The following ZNF521 variants were observed in gnomAD, a reference collection of about 807,000 sequenced individuals.
ZNF521 encodes the protein LYST-interacting protein 3.
ZNF521 carries 14 observed loss-of-function variants against 105.5 expected under a neutral mutation model. That is an observed-to-expected ratio of 0.13 (90% CI 0.09 to 0.21). ZNF521 has a LOEUF of 0.21. Among genes scored for constraint, ZNF521 ranks in the 10% least tolerant of loss-of-function variants. ZNF521 has a pLI of 1.00. For synonymous variants in ZNF521, 635 were observed against 606.0 expected (o/e 1.05, Z -0.70); for missense variants, 1,233 against 1,629.7 (o/e 0.76, Z 4.19).
chr18:25,092,771 T>C (rs2144221799), intron 5 of ZNF521, among the ~76,000 whole-genome samples: 1 of 152,316 alleles, frequency 6.6e-6, no homozygotes, highest in South Asian at 2.1e-4. Context: ...TGAATTTTTC[T>C]TGGATATCTT....
At chr18:25,099,841 C>A (rs1316945284) in intron 5 of ZNF521, among the ~76,000 whole-genome samples, 1 of 152,178 alleles carries the variant, frequency 6.6e-6, no homozygotes, top group Non-Finnish European at 1.5e-5. Flanking sequence ...CTGTACAAAA[C>A]CCCCACAAAT....
At position 25,227,044 on chromosome 18, in the gene ZNF521, C is replaced by T; in HGVS notation, c.874G>A (p.Glu292Lys). 1 of 1,614,152 alleles carries T rather than the reference C, an allele frequency of 6.2e-7. No individual in the cohort carries two copies. The highest frequency in any genetic ancestry group is 1.1e-5 in the South Asian group (1 of 91,080). Residue 292 changes from glutamate (E) to lysine (K), a missense_variant, in exon 4 of 8, where the codon GAG becomes AAG. Glu to Lys is a moderately conservative substitution (Grantham distance 56). Coordinates refer to ENST00000361524, the MANE Select transcript of ZNF521 (RefSeq NM_015461.3). This position sits in a 1 kb window ranked among gnomAD's most constrained non-coding sequence, Gnocchi z 5.7. ...QCVYCHELFV[E>K]ETSLMNHMEQ... The stretch of plus-strand genomic sequence containing the variant: ...ATGTGGTTCATGAGGGAGGTCTCCT[C>T]TACGAAGAGCTCGTGGCAGTAGACA...
intron 3 of ZNF521, among the ~76,000 whole-genome samples, chr18:25,251,569 T>C (rs370970527): frequency 2.0e-5 from 3 of 152,206 alleles, no homozygotes; most frequent in African/African-American, 7.2e-5. Context: ...AAACCCTAAG[T>C]AGTTTGCTCA....
At chr18:25,241,436 T>C (rs974821511) in intron 3 of ZNF521, among the ~76,000 whole-genome samples, 3 of 152,286 alleles carry the variant, frequency 2.0e-5, no homozygotes, top group East Asian at 3.9e-4. Context: ...TATCCAAACT[T>C]TGCCATGCAT....
chr18:25,351,818 G>C (rs1568095513), intron 1 of ZNF521, 187 bp downstream of exon 1: 1 of 168,450 alleles, frequency 5.9e-6, no homozygotes, highest in African/African-American at 2.4e-5. Flanking sequence ...CTCTGGGCGG[G>C]GGCGCGGCGC....
intron 3 of ZNF521, among the ~76,000 whole-genome samples, chr18:25,314,858 G>A (rs972798558): frequency 1.3e-5 from 2 of 152,348 alleles, no homozygotes; most frequent in South Asian, 2.1e-4. Flanking sequence ...CAAGCATAGA[G>A]TATTACCAAA....
chr18:25,154,762 C>T (rs1235744971), intron 5 of ZNF521, among the ~76,000 whole-genome samples: 2 of 152,100 alleles, frequency 1.3e-5, no homozygotes, highest in African/African-American at 2.4e-5. Context: ...CTAGTACACA[C>T]CTTCTCTTTA....
At chr18:25,097,453 T>G (rs2033876119) in intron 5 of ZNF521, among the ~76,000 whole-genome samples, 1 of 151,614 alleles carries the variant, frequency 6.6e-6, no homozygotes, top group Non-Finnish European at 1.5e-5. Context: ...TAAAAAGTTC[T>G]GCCCTTATTT....
At chr18:25,218,010 A>G (rs1905441659) in intron 4 of ZNF521, among the ~76,000 whole-genome samples, 1 of 152,200 alleles carries the variant, frequency 6.6e-6, no homozygotes, top group Non-Finnish European at 1.5e-5. Flanking sequence ...TAAGACACAG[A>G]GACAATATGT....
chr18:25,089,615 T>C (rs1335685894), intron 6 of ZNF521, 35 bp from the exon 7 acceptor site: 1 of 1,575,306 alleles, frequency 6.3e-7, no homozygotes, highest in East Asian at 2.2e-5. Flanking sequence ...CTTGGGTTAT[T>C]TTGTTTCCGA....
At chr18:25,351,462 C>CG (rs1371660189) in intron 1 of ZNF521, 1 of 150,696 alleles carries the variant, frequency 6.6e-6, no homozygotes, top group African/African-American at 2.4e-5. Context: ...ATCCGCCCCC[C>CG]CCCCCACCGG....
chr18:25,243,235 CT>C (rs111295061), intron 3 of ZNF521, among the ~76,000 whole-genome samples: 7,009 of 152,124 alleles, frequency 0.046, 175 homozygotes, highest in Non-Finnish European at 0.054. Context: ...ACTGGTTTGA[CT>C]TTTTTTTCCT....
At position 25,226,214 on chromosome 18, in the gene ZNF521, C is replaced by G. The variant is rs145174974; in HGVS notation, c.1704G>C (p.Ser568=). The G allele has an allele frequency of 2.5e-6, 4 of 1,614,066 alleles. No homozygotes were observed. Among genetic ancestry groups the G allele is most frequent in the South Asian group, 1.1e-5 (1 of 91,080 alleles). Residue 568 remains serine (S), a synonymous_variant, in exon 4 of 8, where the codon TCG becomes TCC. Transcript: ENST00000361524. The surrounding 1 kb of genome is among the most constrained non-coding windows in gnomAD (Gnocchi z 4.1). Reference sequence around the variant, plus strand: ...GTTTAAGAACGCTGTTGAATATTGGCGAATTTGTACAATAGGAACAAGAAT... The same window carrying G: ...GTTTAAGAACGCTGTTGAATATTGGGGAATTTGTACAATAGGAACAAGAAT... ...EVYSCSYCTN[S]PIFNSVLKLN...
At position 25,273,876 on chromosome 18, in the gene ZNF521, T is replaced by A. The variant is rs1334737115; in HGVS notation, c.221-46179A>T. Among the ~76,000 whole-genome samples the A allele has an allele frequency of 1.2e-4, 19 of 152,320 alleles. No individual in the cohort carries two copies. In the South Asian group the frequency reaches 3.9e-3, roughly 32 times the overall value. On this transcript the variant is annotated intron_variant, in intron 3 of 7. Coordinates refer to ENST00000361524, the MANE Select transcript of ZNF521 (RefSeq NM_015461.3). The stretch of plus-strand genomic sequence containing the variant: ...TGGGGTTAGGATAAGTACAGTTTTC[T>A]ATTATTAATAATAAACTAATTGTTT...
At chr18:25,205,587 A>C (rs955068532) in intron 4 of ZNF521, among the ~76,000 whole-genome samples, 45 of 152,184 alleles carry the variant, frequency 3.0e-4, no homozygotes, top group Non-Finnish European at 5.0e-4. Flanking sequence ...GAGGTGAAGG[A>C]GTAGCGACAG....
At chr18:25,125,010 C>T (rs1295814978) in intron 5 of ZNF521, among the ~76,000 whole-genome samples, 2 of 152,098 alleles carry the variant, frequency 1.3e-5, no homozygotes, top group African/African-American at 4.8e-5. Flanking sequence ...TTTATGAGCA[C>T]AGTATATATA....
At position 25,191,342 on chromosome 18, in the gene ZNF521, A is replaced by G. The variant is rs114479195; in HGVS notation, c.3658+3818T>C. On this transcript the variant is annotated intron_variant, in intron 5 of 7. Coordinates refer to ENST00000361524, the MANE Select transcript of ZNF521 (RefSeq NM_015461.3). Reference sequence around the variant, plus strand: ...GCTATATCCTGACTACTTGTCCTCCAAAGTCCATAACTATAGTAATCAATT... The same window carrying G: ...GCTATATCCTGACTACTTGTCCTCCGAAGTCCATAACTATAGTAATCAATT... Among the ~76,000 whole-genome samples, 1,162 of 152,306 alleles carry G rather than the reference A, an allele frequency of 7.6e-3. 13 individuals carry two copies. The highest frequency in any genetic ancestry group is 0.025 in the African/African-American group (1,052 of 41,560).
At chr18:25,273,642 G>A (rs546037499) in intron 3 of ZNF521, 1 of 152,238 alleles carries the variant, frequency 6.6e-6, no homozygotes, top group East Asian at 1.9e-4. Flanking sequence ...TTAATAAAAG[G>A]GTATGTATAG....
intron 3 of ZNF521, among the ~76,000 whole-genome samples, chr18:25,258,083 A>T (rs1480460567): frequency 6.6e-6 from 1 of 152,314 alleles, no homozygotes; most frequent in Middle Eastern, 3.4e-3. Flanking sequence ...AGATTAAATA[A>T]AGACAATTCT....
Sources: gnomAD v4.1 joint callset for allele counts (sites outside exome capture counted in the v4.1 genomes callset) on GRCh38, gnomAD v4.1.1 for gene constraint, Gnocchi (gnomAD v3.1) non-coding constraint, MANE v1.5 for transcripts, NCBI Gene and HGNC (gene_info 2026-07-23, HGNC 2026-07-21) for gene names.